Variants in NAA11 observed in about 807,000 individuals in gnomAD.
NAA11 encodes N-alpha-acetyltransferase 11.
In NAA11, 15 loss-of-function variants were observed where a neutral mutation model predicts 16.1. The ratio of observed to expected loss-of-function variants is 0.93; its 90% CI spans 0.62 to 1.44. NAA11 has a LOEUF of 1.44. NAA11 is among the 40% of genes most tolerant of loss of function. NAA11 has a pLI of 0.00. For missense variants in NAA11, 298 were observed against 291.3 expected (o/e 1.02, Z -0.17); for synonymous variants, 122 against 112.4 (o/e 1.09, Z -0.54).
intron 1 of NAA11, among the ~76,000 whole-genome samples, chr4:79,296,757 T>C (rs1723232213): frequency 6.6e-6 from 1 of 152,228 alleles, no homozygotes; most frequent in African/African-American, 2.4e-5. Context: ...TGCCAAATTC[T>C]ACTACTCAGT....
chr4:79,213,682 T>C, the NAA11 span, among the ~76,000 whole-genome samples: 2 of 152,196 alleles, frequency 1.3e-5, no homozygotes, highest in African/African-American at 4.8e-5. Flanking sequence ...TATCTGCTTA[T>C]GTTTCTAAAC....
intron 2 of NAA11, among the ~76,000 whole-genome samples, chr4:79,233,487 G>C (rs1246352648): frequency 6.6e-6 from 1 of 151,884 alleles, no homozygotes; most frequent in South Asian, 2.1e-4. Flanking sequence ...TATGTAAGGG[G>C]TTAGAAAATT....
the NAA11 span, among the ~76,000 whole-genome samples, chr4:79,199,743 A>G: frequency 1.3e-5 from 2 of 151,910 alleles, no homozygotes; most frequent in Admixed American, 6.6e-5. Context: ...GTTGATGCAT[A>G]TATGTGTCAT....
chr4:79,301,211 T>A (rs1213265522), intron 1 of NAA11, among the ~76,000 whole-genome samples: 1 of 152,210 alleles, frequency 6.6e-6, no homozygotes, highest in Non-Finnish European at 1.5e-5. Flanking sequence ...CATATTATTG[T>A]GGAGAAGTTT....
At chr4:79,287,434 A>G (rs1722967082) in intron 2 of NAA11, among the ~76,000 whole-genome samples, 1 of 152,070 alleles carries the variant, frequency 6.6e-6, no homozygotes, top group Non-Finnish European at 1.5e-5. Flanking sequence ...CACTAGGCTA[A>G]TACTTGTCAA....
downstream of NAA11, among the ~76,000 whole-genome samples, chr4:79,223,256 C>A (rs1266346401): frequency 6.8e-6 from 1 of 147,382 alleles, no homozygotes; most frequent in Non-Finnish European, 1.5e-5. Context: ...AAATGTCCAA[C>A]AATGATAGAC....
At chr4:79,223,425 C>G (rs1357728006), downstream of NAA11, among the ~76,000 whole-genome samples, 1 of 140,642 alleles carries the variant, frequency 7.1e-6, no homozygotes, top group East Asian at 2.1e-4. Context: ...TATTCTCACT[C>G]ATAGGTGGGA....
intron 2 of NAA11, among the ~76,000 whole-genome samples, chr4:79,270,417 A>G (rs2109980155): frequency 6.6e-6 from 1 of 151,074 alleles, no homozygotes; most frequent in South Asian, 2.1e-4. Flanking sequence ...GTCCAGGACC[A>G]GATGGATTCA....
intron 2 of NAA11, among the ~76,000 whole-genome samples, chr4:79,277,599 A>G (rs1722684599): frequency 6.6e-6 from 1 of 151,566 alleles, no homozygotes; most frequent in Non-Finnish European, 1.5e-5. Flanking sequence ...TTGATTACCT[A>G]CTCCACCCTG....
chr4:79,280,821 T>G (rs777765080), intron 2 of NAA11, among the ~76,000 whole-genome samples: 1 of 152,014 alleles, frequency 6.6e-6, no homozygotes, highest in Non-Finnish European at 1.5e-5. Context: ...GAAGTGTTCA[T>G]ATGATGGAAT....
the NAA11 span, among the ~76,000 whole-genome samples, chr4:79,188,448 A>G: frequency 0.99 from 151,044 of 152,204 alleles, 74,958 homozygotes; most frequent in Middle Eastern, 1. Context: ...AGCCCGGCCT[A>G]GTGGTGGGCA....
In NAA11 at chr4:79,317,496, C is replaced by T. The variant is rs926888047; in HGVS notation, c.*308G>A. 2 of 152,202 alleles carry T rather than the reference C, an allele frequency of 1.3e-5. No individual in the cohort carries two copies. The highest frequency in any genetic ancestry group is 2.9e-5 in the Non-Finnish European group (2 of 68,044). The allele number at this position is 152,202 out of a possible 1,614,324, so 9.4% of individuals were successfully genotyped here. ...AAAGGAGAAAAACTTGCAGGATAAC[C>T]ACACCCAACAGAGGACTACTACAAA... On this transcript the variant is annotated 3_prime_UTR_variant, in exon 2 of 2. Coordinates refer to ENST00000286794, the MANE Select transcript of NAA11 (RefSeq NM_032693.3).
intron 2 of NAA11, among the ~76,000 whole-genome samples, chr4:79,289,486 C>T (rs755853171): frequency 6.6e-6 from 1 of 152,138 alleles, no homozygotes; most frequent in Admixed American, 6.5e-5. Flanking sequence ...GATAACTTTG[C>T]AATAGTTCTA....
intron 1 of NAA11, among the ~76,000 whole-genome samples, chr4:79,305,660 A>C (rs1723556420): frequency 1.3e-5 from 2 of 152,178 alleles, no homozygotes; most frequent in Non-Finnish European, 2.9e-5. Context: ...TAGAAGCAAG[A>C]AGATGTGATC....
At position 79,325,949 on chromosome 4, in the gene NAA11, C is replaced by T; in HGVS notation, c.-72G>A. The T allele has an allele frequency of 7.3e-7, 1 of 1,377,530 alleles. No individual in the cohort carries two copies. The highest frequency in any genetic ancestry group is 9.9e-7 in the Non-Finnish European group (1 of 1,008,428). 85.3% of individuals were successfully genotyped at this position (1,377,530 alleles called of 1,614,324 possible). ...AGGCTGTCGCCGACCTTAAGGGGCACTGTTTGCCTCAGGAATCGAGTCCAG... is the reference window on the plus strand; with the variant it reads ...AGGCTGTCGCCGACCTTAAGGGGCATTGTTTGCCTCAGGAATCGAGTCCAG... On this transcript the variant is annotated 5_prime_UTR_variant, in exon 1 of 2. In the 5' UTR this introduces an upstream ATG that the reference lacks. Transcript: ENST00000286794.
chr4:79,242,853 C>A (rs886630967), intron 2 of NAA11, among the ~76,000 whole-genome samples: 3 of 152,200 alleles, frequency 2.0e-5, no homozygotes, highest in Admixed American at 6.5e-5. Flanking sequence ...TCACAGCCAT[C>A]AGGCTGGTTT....
At chr4:79,323,605 G>C (rs967783319) in intron 1 of NAA11, among the ~76,000 whole-genome samples, 1 of 152,278 alleles carries the variant, frequency 6.6e-6, no homozygotes, top group African/African-American at 2.4e-5. Flanking sequence ...CGCATCACGA[G>C]GTCAGGAGAT....
the NAA11 span, among the ~76,000 whole-genome samples, chr4:79,207,317 C>T: frequency 7.2e-6 from 1 of 138,382 alleles, no homozygotes; most frequent in East Asian, 2.1e-4. Flanking sequence ...TTTACTATAA[C>T]TGTGTTTGGT....
At chr4:79,207,120 G>A in the NAA11 span, among the ~76,000 whole-genome samples, 1 of 151,810 alleles carries the variant, frequency 6.6e-6, no homozygotes, top group Non-Finnish European at 1.5e-5. Context: ...TAGGATTTTT[G>A]AGATATGAGA....
Sources: gnomAD v4.1 joint callset for allele counts (sites outside exome capture counted in the v4.1 genomes callset) on GRCh38, gnomAD v4.1.1 for gene constraint, MANE v1.5 for transcripts, NCBI Gene and HGNC (gene_info 2026-07-23, HGNC 2026-07-21) for gene names.